CSF2RA: variants seen among roughly 807,000 people sequenced by gnomAD.
The protein encoded by CSF2RA is colony stimulating factor 2 receptor subunit alpha, also known as granulocyte-macrophage colony-stimulating factor receptor subunit alpha.
A neutral mutation model predicts 51.6 loss-of-function variants in CSF2RA; 42 were observed. The ratio of observed to expected loss-of-function variants is 0.81; its 90% CI spans 0.64 to 1.05. The LOEUF is 1.05. Among genes scored for constraint, CSF2RA ranks in the 50% least tolerant of loss-of-function variants. The probability of loss-of-function intolerance (pLI) is 0.00; values close to 1 mark genes in which losing one functional copy is unlikely to be tolerated. For synonymous variants in CSF2RA, 222 were observed against 193.0 expected, an observed-to-expected ratio of 1.15 and a Z score of -1.24; for missense variants, 530 against 501.1, an observed-to-expected ratio of 1.06 and a Z score of -0.55.
chrX:1,314,511 A>T (rs1298922640), downstream of CSF2RA, among the ~76,000 whole-genome samples: 14 of 115,020 alleles, frequency 1.2e-4, no homozygotes, highest in East Asian at 9.3e-4. Context: ...GCCCAACCGC[A>T]CTGCACCTGC....
chrX:1,305,793 A>G, intron 12 of CSF2RA: 1 of 1,550,462 alleles, frequency 6.4e-7, no homozygotes, highest in South Asian at 1.2e-5. Flanking sequence ...AGAAGACGGT[A>G]GAGAGGGCCA....
intron 7 of CSF2RA, among the ~76,000 whole-genome samples, chrX:1,292,817 G>C (rs1389125770): frequency 6.6e-6 from 1 of 152,108 alleles, no homozygotes; most frequent in African/African-American, 2.4e-5. Context: ...AACCGCGAGA[G>C]GACTTCCTCC....
intron 2 of CSF2RA, among the ~76,000 whole-genome samples, chrX:1,280,427 C>A (rs1380755507): frequency 6.8e-6 from 1 of 147,296 alleles, no homozygotes; most frequent in Non-Finnish European, 1.5e-5. Flanking sequence ...GCCAAGATTG[C>A]ACCACTGCAC....
intron 3 of CSF2RA, among the ~76,000 whole-genome samples, chrX:1,285,174 T>G (rs1315809584): frequency 1.3e-5 from 2 of 152,112 alleles, no homozygotes; most frequent in Non-Finnish European, 2.9e-5. Context: ...GTGCTGGGAT[T>G]AGAGGCGTGA....
At position 1,288,401 on chromosome X, in the gene CSF2RA, G is replaced by C. The variant is rs185369283; in HGVS notation, c.220-118G>C. 83 of 1,105,230 alleles carry C rather than the reference G, an allele frequency of 7.5e-5. 8 individuals carry two copies. The East Asian group carries it at 1.3e-3, about 17-fold the overall frequency. The allele number at this position is 1,105,230 out of a possible 1,614,324, so 68.5% of individuals were successfully genotyped here. ...GGAGGCTGAGGCGGGAGAATTGCTT[G>C]AACCTGGAAGGCGGAGGTTGTAGTG... On this transcript the variant is annotated intron_variant, in intron 4 of 12. Transcript: ENST00000381529.
In CSF2RA at chrX:1,271,264, TCTC is replaced by T. The variant is rs770996082; in HGVS notation, c.-91+2388_-91+2390del. Among the ~76,000 whole-genome samples the T allele has an allele frequency of 9.9e-4, 75 of 75,406 alleles. 6 individuals carry two copies. Among genetic ancestry groups the T allele is most frequent in the African/African-American group, 3.3e-3 (71 of 21,808 alleles). 49.5% of individuals were successfully genotyped at this position (75,406 alleles called of 152,430 possible). On this transcript the variant is annotated intron_variant, in intron 1 of 12. Transcript: ENST00000381529. ...CCTCCGCCTCCTGGGTTCAAGCAAT[TCTC>T]CTGCCTCAGCCTCCTGAGTAGCTGG... is the stretch of plus-strand genomic sequence containing the variant.
downstream of CSF2RA, among the ~76,000 whole-genome samples, chrX:1,314,623 A>G (rs372458094): frequency 9.8e-3 from 14 of 1,432 alleles, 2 homozygotes; most frequent in East Asian, 0.25. Flanking sequence ...CTGCCCAACC[A>G]CACTGAACCT....
At chrX:1,288,715 T>C in intron 5 of CSF2RA, 44 bp from the exon 6 acceptor site, 10 of 1,613,886 alleles carry the variant, frequency 6.2e-6, no homozygotes, top group Admixed American at 1.7e-5. Context: ...GTACATCCCG[T>C]TGAACTTCGG....
the CSF2RA span, among the ~76,000 whole-genome samples, chrX:1,323,877 G>A: frequency 3.3e-5 from 5 of 152,008 alleles, no homozygotes; most frequent in East Asian, 3.9e-4. Context: ...AGCCGGGCGT[G>A]GTGGTGGGCG....
chrX:1,276,189 GTT>G (rs1329488102), intron 2 of CSF2RA, among the ~76,000 whole-genome samples: 1 of 149,912 alleles, frequency 6.7e-6, no homozygotes, highest in Non-Finnish European at 1.5e-5. Context: ...TTGTTTGTTT[GTT>G]TGTTTGTTTG....
Position 1,288,636 on chromosome X carries a change from A to T in CSF2RA, c.337A>T (p.Asn113Tyr), listed in dbSNP as rs1603428019. 1.2e-6 allele frequency: 2 copies of T among 1,613,962 alleles called. No homozygotes were observed. The highest frequency in any genetic ancestry group is 8.5e-7 in the Non-Finnish European group (1 of 1,179,856). The stretch of plus-strand genomic sequence containing the variant: ...ATTTCAACAGAAACTGCTTTATCCA[A>T]ATTCAGGTAAGCAAGACAGCTCAGG... ...RGFQQKLLYP[N>Y]SGREGTAAQN... is the part of the protein sequence containing the mutation. The change falls in exon 5 of 13, where the codon AAT becomes TAT. Residue 113 changes from asparagine to tyrosine, a missense_variant. By Grantham distance (143) the Asn-to-Tyr change is moderately radical. Coordinates refer to ENST00000381529, the MANE Select transcript of CSF2RA (RefSeq NM_172245.4).
At chrX:1,317,539 C>T in the CSF2RA span, among the ~76,000 whole-genome samples, 1 of 150,358 alleles carries the variant, frequency 6.7e-6, no homozygotes, top group African/African-American at 2.5e-5. Context: ...GCGTGAGCCA[C>T]CACGCCCAGC....
chrX:1,278,516 A>G (rs1420175252), intron 2 of CSF2RA, among the ~76,000 whole-genome samples: 7 of 140,952 alleles, frequency 5.0e-5, no homozygotes, highest in African/African-American at 1.6e-4. Context: ...GTGAAACCCC[A>G]TCTCTACTAA....
chrX:1,313,686 TG>T (rs1264500400), downstream of CSF2RA, among the ~76,000 whole-genome samples: 1 of 151,818 alleles, frequency 6.6e-6, no homozygotes, highest in African/African-American at 2.4e-5. Flanking sequence ...CACTCCAATC[TG>T]GGTGACAGAG....
chrX:1,307,559 C>T (rs1393385891), intron 12 of CSF2RA, among the ~76,000 whole-genome samples: 1 of 152,216 alleles, frequency 6.6e-6, no homozygotes, highest in Non-Finnish European at 1.5e-5. Context: ...CTCCTTTGGA[C>T]CTTCAACTGA....
chrX:1,287,083 A>G (rs1174575042), intron 4 of CSF2RA: 2 of 152,002 alleles, frequency 1.3e-5, no homozygotes, highest in African/African-American at 4.8e-5. Context: ...ATTGATAATC[A>G]ATTCTATAGG....
intron 9 of CSF2RA, among the ~76,000 whole-genome samples, chrX:1,299,377 C>T (rs1489253894): frequency 1.3e-5 from 2 of 152,244 alleles, no homozygotes; most frequent in South Asian, 4.1e-4. Context: ...CTAAACTATC[C>T]GTCTGAAGGT....
intron 4 of CSF2RA, among the ~76,000 whole-genome samples, chrX:1,286,490 A>C (rs2090678954): frequency 3.3e-5 from 5 of 150,580 alleles, no homozygotes; most frequent in Non-Finnish European, 7.4e-5. Context: ...AATTACTGAA[A>C]CTCGGGAGGC....
chrX:1,309,588 A>G lies in CSF2RA; in HGVS notation c.*109A>G. On this transcript the variant is annotated 3_prime_UTR_variant, in exon 13 of 13. Coordinates refer to ENST00000381529, the MANE Select transcript of CSF2RA (RefSeq NM_172245.4). The stretch of plus-strand genomic sequence containing the variant: ...TATATCATTTTCTATGTTTTTATTT[A>G]AAAACATGACATTTGGGGCCAGGCG... The G allele has an allele frequency of 1.9e-6, 3 of 1,613,784 alleles. No homozygotes were observed. In the South Asian group the frequency reaches 3.3e-5, roughly 18 times the overall value.
Sources: allele counts gnomAD v4.1 joint callset (sites outside exome capture counted in the v4.1 genomes callset), GRCh38; gene constraint gnomAD v4.1.1; transcripts MANE v1.5; gene names NCBI Gene and HGNC (gene_info 2026-07-23, HGNC 2026-07-21).